Variants in HERC1 observed in about 807,000 individuals in gnomAD.
HERC1 encodes HECT and RLD domain containing E3 ubiquitin protein ligase family member 1.
In HERC1, 160 loss-of-function variants were observed where a neutral mutation model predicts 554.3. That is an observed-to-expected ratio of 0.29 (90% CI 0.25 to 0.33). The LOEUF is 0.33. Among genes scored for constraint, HERC1 ranks in the 10% least tolerant of loss-of-function variants. The pLI is 1.00. For synonymous variants in HERC1, 2,175 were observed against 2,131.7 expected, an observed-to-expected ratio of 1.02 and a Z score of -0.56; for missense variants, 4,919 against 5,918.5, an observed-to-expected ratio of 0.83 and a Z score of 5.54.
At chr15:63,801,811 C>T (rs2076997743) in intron 1 of HERC1, among the ~76,000 whole-genome samples, 2 of 152,176 alleles carry the variant, frequency 1.3e-5, no homozygotes, top group African/African-American at 4.8e-5. Context: ...GTCTCCTCCT[C>T]TTCATGTACA....
intron 1 of HERC1, among the ~76,000 whole-genome samples, chr15:63,781,769 C>T (rs533778181): frequency 1.3e-5 from 2 of 152,272 alleles, no homozygotes; most frequent in East Asian, 1.9e-4. Context: ...AAGCCTCTTG[C>T]GCCAGTTAGC....
rs2071422691 is a variant in HERC1 at position 63,680,476 on chromosome 15, A to G, written c.6465+61T>C. ...TAAACTGAATACGTGGCACTTGAAT[A>G]ACCGAGTTGACTATAAATAGAAACA... On this transcript the variant is annotated intron_variant, in intron 35 of 77. Transcript: ENST00000443617. This position sits in a 1 kb window ranked among gnomAD's most constrained non-coding sequence, Gnocchi z 5.8. 3.2e-6 allele frequency: 5 copies of G among 1,560,024 alleles called. No individual in the cohort carries two copies. The highest frequency in any genetic ancestry group is 4.3e-6 in the Non-Finnish European group (5 of 1,149,808).
chr15:63,699,972 T>C lies in HERC1; in HGVS notation c.4637-976A>G, dbSNP rs557002268. On this transcript the variant is annotated intron_variant, in intron 25 of 77. Transcript: ENST00000443617. ...GTCCATGCATGGCCCAATTTTGAAATCACATATTTATAATAAATATCTGTG... is the reference window on the plus strand; with the variant it reads ...GTCCATGCATGGCCCAATTTTGAAACCACATATTTATAATAAATATCTGTG... Among the ~76,000 whole-genome samples the C allele has an allele frequency of 4.1e-4, 63 of 152,262 alleles. 1 individual carries two copies. The South Asian group carries it at 0.013, about 32-fold the overall frequency.
intron 1 of HERC1, among the ~76,000 whole-genome samples, chr15:63,812,365 C>A (rs185411514): frequency 1.2e-3 from 185 of 152,308 alleles, no homozygotes; most frequent in Non-Finnish European, 1.8e-3. Flanking sequence ...TGTAACATGA[C>A]TGGAGGTAAG....
chr15:63,815,454 T>C (rs1001596014), intron 1 of HERC1, among the ~76,000 whole-genome samples: 4 of 152,236 alleles, frequency 2.6e-5, no homozygotes, highest in Non-Finnish European at 4.4e-5. Context: ...GTATGCCTAC[T>C]GCAGAAGGTT....
At chr15:63,783,923 G>A (rs1280808373) in intron 1 of HERC1, among the ~76,000 whole-genome samples, 1 of 151,984 alleles carries the variant, frequency 6.6e-6, no homozygotes, top group Non-Finnish European at 1.5e-5. Flanking sequence ...AAAATTAGCT[G>A]GGCATGGTAG....
At chr15:63,805,748 A>T (rs559372073) in intron 1 of HERC1, among the ~76,000 whole-genome samples, 5 of 151,992 alleles carry the variant, frequency 3.3e-5, no homozygotes, top group Non-Finnish European at 5.9e-5. Context: ...GCAGTTCAAG[A>T]CCACCCTGGG....
chr15:63,649,150 C>T (rs902565390), intron 54 of HERC1, among the ~76,000 whole-genome samples: 11 of 152,228 alleles, frequency 7.2e-5, no homozygotes, highest in South Asian at 4.2e-4. Context: ...GTGAGGAGAT[C>T]GAGACCATCC....
At chr15:63,819,928 C>T (rs1336596491) in intron 1 of HERC1, among the ~76,000 whole-genome samples, 1 of 152,124 alleles carries the variant, frequency 6.6e-6, no homozygotes, top group African/African-American at 2.4e-5. Context: ...TAAGGTTTTA[C>T]CCCATAAGTT....
At chr15:63,778,186 CCTCCATCCAGCCAT>C (rs1287812140) in intron 1 of HERC1, among the ~76,000 whole-genome samples, 1 of 152,198 alleles carries the variant, frequency 6.6e-6, no homozygotes, top group Non-Finnish European at 1.5e-5. Context: ...CATGCTTTCA[CCTCCATCCAGCCAT>C]AAGGCTTTGT....
chr15:63,729,364 G>A lies in HERC1; in HGVS notation c.3026C>T (p.Ser1009Leu). ...TTTATGAAGCAATGCCACACTGCTT[G>A]AGTTCTAAGAAGAAAAAAAGTTCCT... ...FCHINNISEN[S>L]SSVALLHKHL... Residue 1009 changes from serine (S) to leucine (L), a missense_variant, in exon 16 of 78, where the codon TCA becomes TTA. Physicochemically the swap from Ser to Leu is moderately radical, Grantham distance 145. Coordinates refer to ENST00000443617, the MANE Select transcript of HERC1 (RefSeq NM_003922.4). 2.5e-6 allele frequency: 4 copies of A among 1,595,220 alleles called. No homozygotes were observed. Among genetic ancestry groups the A allele is most frequent in the Non-Finnish European group, 3.4e-6 (4 of 1,173,638 alleles).
chr15:63,722,895 C>T lies in HERC1; in HGVS notation c.3742+287G>A, dbSNP rs117786985. Among the ~76,000 whole-genome samples, 2,024 of 152,026 alleles carry T rather than the reference C, an allele frequency of 0.013. 25 individuals carry two copies. The highest frequency in any genetic ancestry group is 0.027 in the Admixed American group (406 of 15,262). On this transcript the variant is annotated intron_variant, in intron 19 of 77. Coordinates refer to ENST00000443617, the MANE Select transcript of HERC1 (RefSeq NM_003922.4). ...ACTGGGAGTCTTGGAACACATCACC[C>T]GCGGATATGGGGAGACTACTATACT...
In HERC1 at chr15:63,656,378, T is replaced by A. The variant is rs199828316; in HGVS notation, c.9600-20A>T. The A allele has an allele frequency of 1.3e-3, 2,006 of 1,595,914 alleles. 3 individuals carry two copies. Among genetic ancestry groups the A allele is most frequent in the Non-Finnish European group, 1.5e-3 (1,746 of 1,169,590 alleles). ...GAACCACTGCCAGTAAAGAAAAACATCTCAGATGGATAAAGAAAATGGATT... is the reference window on the plus strand; with the variant it reads ...GAACCACTGCCAGTAAAGAAAAACAACTCAGATGGATAAAGAAAATGGATT... On this transcript the variant is annotated intron_variant, in intron 48 of 77. Transcript: ENST00000443617.
intron 61 of HERC1, among the ~76,000 whole-genome samples, chr15:63,639,138 C>T (rs1303633648): frequency 6.6e-6 from 1 of 152,122 alleles, no homozygotes; most frequent in African/African-American, 2.4e-5. Context: ...TCCTCATCTA[C>T]AAAATTACAG....
chr15:63,689,701 T>C lies in HERC1; in HGVS notation c.5938-2A>G, dbSNP rs1326027029. 6.6e-7 allele frequency: 1 copy of C among 1,510,664 alleles called. No individual in the cohort carries two copies. The highest frequency in any genetic ancestry group is 1.3e-5 in the South Asian group (1 of 79,074). 93.6% of individuals were successfully genotyped at this position (1,510,664 alleles called of 1,614,324 possible). On this transcript the variant is annotated splice_acceptor_variant, in intron 32 of 77. Coordinates refer to ENST00000443617, the MANE Select transcript of HERC1 (RefSeq NM_003922.4). LOFTEE classifies it high-confidence loss of function. ...AAGGGAAAATAAGCGCTCAACAATCTGTTTTATTGAAGAAAAAAGGATAAA... is the reference window on the plus strand; with the variant it reads ...AAGGGAAAATAAGCGCTCAACAATCCGTTTTATTGAAGAAAAAAGGATAAA...
chr15:63,662,608 T>C (rs1179185423), intron 44 of HERC1, among the ~76,000 whole-genome samples: 2 of 152,200 alleles, frequency 1.3e-5, no homozygotes, highest in East Asian at 1.9e-4. Context: ...ATGGAACCTA[T>C]GAAGGAGAAG....
At chr15:63,681,596 A>C (rs2071483397) in intron 34 of HERC1, among the ~76,000 whole-genome samples, 1 of 152,264 alleles carries the variant, frequency 6.6e-6, no homozygotes, top group Non-Finnish European at 1.5e-5. Context: ...TTTAAAAAAA[A>C]AAAAACTTCC....
chr15:63,650,714 T>A (rs959390462), intron 53 of HERC1, among the ~76,000 whole-genome samples: 1 of 152,220 alleles, frequency 6.6e-6, no homozygotes, highest in Non-Finnish European at 1.5e-5. Context: ...CAAATTGGCA[T>A]AAGAAACTTA....
chr15:63,828,322 A>G (rs577286970), intron 1 of HERC1, among the ~76,000 whole-genome samples: 1 of 151,892 alleles, frequency 6.6e-6, no homozygotes, highest in Admixed American at 6.5e-5. Flanking sequence ...AGAGAGTGAC[A>G]CTTTTCAGTA....
Sources: allele counts gnomAD v4.1 joint callset (sites outside exome capture counted in the v4.1 genomes callset), GRCh38; gene constraint gnomAD v4.1.1; non-coding constraint Gnocchi (gnomAD v3.1); transcripts MANE v1.5; gene names NCBI Gene and HGNC (gene_info 2026-07-23, HGNC 2026-07-21).